LOC400499: variants seen among roughly 807,000 people sequenced by gnomAD.
the LOC400499 span, among the ~76,000 whole-genome samples, chr16:11,498,438 C>G: frequency 6.6e-6 from 1 of 151,566 alleles, no homozygotes; most frequent in African/African-American, 2.4e-5. Context: ...GCCGAGATTG[C>G]GCCACTGCAC....
the LOC400499 span, chr16:11,460,974 G>A: frequency 2.6e-6 from 4 of 1,534,848 alleles, no homozygotes; most frequent in Non-Finnish European, 3.5e-6. Context: ...CCAGGAGGCT[G>A]TACTGGATCC....
At chr16:11,438,864 T>G in the LOC400499 span, among the ~76,000 whole-genome samples, 88,059 of 151,708 alleles carry the variant, frequency 0.58, 26,533 homozygotes, top group African/African-American at 0.75. Context: ...GAAGGTTGAA[T>G]CAGAAAGACA....
chr16:11,472,517 G>C, the LOC400499 span: 1 of 152,200 alleles, frequency 6.6e-6, no homozygotes, highest in Non-Finnish European at 1.5e-5. Context: ...TAAAAAGAGT[G>C]TCAGGCAATA....
the LOC400499 span, among the ~76,000 whole-genome samples, chr16:11,464,831 T>G: frequency 6.6e-6 from 1 of 151,948 alleles, no homozygotes; most frequent in Non-Finnish European, 1.5e-5. Flanking sequence ...CACGGGGAGG[T>G]AGAGGCAATC....
the LOC400499 span, among the ~76,000 whole-genome samples, chr16:11,421,121 C>T: frequency 6.6e-6 from 1 of 152,170 alleles, no homozygotes; most frequent in African/African-American, 2.4e-5. Flanking sequence ...AGACGGGCCC[C>T]AGGCACTCAG....
At chr16:11,419,580 C>A in the LOC400499 span, among the ~76,000 whole-genome samples, 1 of 152,168 alleles carries the variant, frequency 6.6e-6, no homozygotes. Context: ...GCAATGGCGA[C>A]AAAAGCCAAA....
the LOC400499 span, chr16:11,477,743 G>A: frequency 2.5e-6 from 1 of 397,664 alleles, no homozygotes; most frequent in Non-Finnish European, 4.4e-6. Flanking sequence ...CCATACGGAT[G>A]TCACCCAGGC....
At chr16:11,510,673 G>C in the LOC400499 span, among the ~76,000 whole-genome samples, 4 of 151,716 alleles carry the variant, frequency 2.6e-5, 1 homozygote, top group South Asian at 4.2e-4. Context: ...TGTCCCCAGA[G>C]CCCCGGCAGT....
At chr16:11,481,668 T>C in the LOC400499 span, among the ~76,000 whole-genome samples, 4 of 151,998 alleles carry the variant, frequency 2.6e-5, no homozygotes, top group African/African-American at 7.2e-5. Context: ...AGTCTTGCTC[T>C]GTCACTCAGG....
chr16:11,448,516 AAACAAACAAACAAAC>A, the LOC400499 span, among the ~76,000 whole-genome samples: 6 of 82 alleles, frequency 0.073, no homozygotes, highest in South Asian at 0.5. Flanking sequence ...GTGTCTGCTA[AAACAAACAAACAAAC>A]AAACAAACAA....
At chr16:11,374,240 G>T in the LOC400499 span, among the ~76,000 whole-genome samples, 1 of 152,028 alleles carries the variant, frequency 6.6e-6, no homozygotes, top group African/African-American at 2.4e-5. Flanking sequence ...AAGAGTGTTT[G>T]GTTTTATAAC....
chr16:11,379,128 G>C, the LOC400499 span, among the ~76,000 whole-genome samples: 1 of 152,156 alleles, frequency 6.6e-6, no homozygotes, highest in Non-Finnish European at 1.5e-5. Flanking sequence ...GGTGGCATAC[G>C]CCTGTAATCC....
chr16:11,409,733 A>G, the LOC400499 span, among the ~76,000 whole-genome samples: 1 of 152,372 alleles, frequency 6.6e-6, no homozygotes, highest in East Asian at 1.9e-4. Context: ...GAATGTTGTA[A>G]TTACCGTGTT....
the LOC400499 span, chr16:11,393,674 T>G: frequency 1.1e-6 from 1 of 899,176 alleles, no homozygotes; most frequent in Non-Finnish European, 1.5e-6. Context: ...GTTGGACCTG[T>G]AGGGAACCAA....
At chr16:11,519,355 A>T in the LOC400499 span, among the ~76,000 whole-genome samples, 2 of 152,114 alleles carry the variant, frequency 1.3e-5, no homozygotes, top group Non-Finnish European at 2.9e-5. Context: ...TGTGTGGTGG[A>T]TGAGTGGAGG....
the LOC400499 span, among the ~76,000 whole-genome samples, chr16:11,525,727 T>C: frequency 6.6e-6 from 1 of 152,224 alleles, no homozygotes; most frequent in Non-Finnish European, 1.5e-5. Flanking sequence ...CACCATGACC[T>C]GCAGAAGTGA....
At chr16:11,462,486 G>T in the LOC400499 span, 1 of 965,340 alleles carries the variant, frequency 1.0e-6, no homozygotes, top group South Asian at 4.8e-5. Context: ...CTGGAGTGCA[G>T]TGGTGGAATC....
the LOC400499 span, chr16:11,399,228 T>A: frequency 1.0e-6 from 1 of 985,104 alleles, no homozygotes; most frequent in Non-Finnish European, 1.2e-6. Flanking sequence ...TTCTTCCCCA[T>A]CTGTTCCCAG....
At chr16:11,412,052 T>A in the LOC400499 span, among the ~76,000 whole-genome samples, 2 of 151,982 alleles carry the variant, frequency 1.3e-5, no homozygotes, top group African/African-American at 4.8e-5. Context: ...TTTGTAGCGA[T>A]GGGGATCTCA....
Sources: gnomAD v4.1 joint callset for allele counts (sites outside exome capture counted in the v4.1 genomes callset) on GRCh38, gnomAD v4.1.1 for gene constraint, MANE v1.5 for transcripts.